The following CR1 variants were observed in gnomAD, a reference collection of about 807,000 sequenced individuals.
CR1 encodes complement receptor type 1.
In CR1, 116 loss-of-function variants were observed where a neutral mutation model predicts 187.3. That is an observed-to-expected ratio of 0.62 (90% CI 0.53 to 0.72). The LOEUF (loss-of-function observed/expected upper bound fraction) is 0.72. Among genes scored for constraint, CR1 ranks in the 30% least tolerant of loss-of-function variants. The pLI is 0.00. For missense variants in CR1, 1,731 were observed against 2,110.7 expected (o/e 0.82, Z 3.52); for synonymous variants, 576 against 747.1 (o/e 0.77, Z 3.73).
At chr1:207,518,116 TTTTA>T (rs1451244264) in intron 4 of CR1, among the ~76,000 whole-genome samples, 5 of 152,152 alleles carry the variant, frequency 3.3e-5, no homozygotes, top group Admixed American at 6.5e-5. Context: ...TCTAAAACTG[TTTTA>T]TTTATTTCCA....
chr1:207,581,805 T>C, intron 31 of CR1, 113 bp from the exon 32 acceptor site: 1 of 698,092 alleles, frequency 1.4e-6, no homozygotes, highest in South Asian at 1.7e-5. Flanking sequence ...TGCTTTAGCT[T>C]GAGCAGTAAA....
At chr1:207,620,144 G>A in intron 43 of CR1, 79 bp downstream of exon 43, 1 of 1,391,852 alleles carries the variant, frequency 7.2e-7, no homozygotes, top group Non-Finnish European at 9.8e-7. Flanking sequence ...GGCATCAAGT[G>A]TAGTGTGATG....
At chr1:207,588,848 G>C in intron 35 of CR1, 74 bp downstream of exon 35, 1 of 1,014,202 alleles carries the variant, frequency 9.9e-7, no homozygotes, top group Non-Finnish European at 1.5e-6. Flanking sequence ...GTCTCAGATA[G>C]ACAAACTAAA....
intron 41 of CR1, among the ~76,000 whole-genome samples, chr1:207,617,577 GTATATATATATATATATA>G (rs747792167): frequency 4.2e-5 from 2 of 47,186 alleles, no homozygotes; most frequent in South Asian, 9.9e-4. Flanking sequence ...ATGTGTGTGT[GTATATATATATATATATA>G]TATATATATA....
At chr1:207,516,396 A>G (rs1246474564) in intron 4 of CR1, among the ~76,000 whole-genome samples, 2 of 152,210 alleles carry the variant, frequency 1.3e-5, no homozygotes, top group Non-Finnish European at 2.9e-5. Context: ...TTTAATTACT[A>G]TAGCATTACA....
chr1:207,510,816 CTTTTT>C (rs1659589970), intron 3 of CR1, among the ~76,000 whole-genome samples: 2 of 131,728 alleles, frequency 1.5e-5, no homozygotes, highest in African/African-American at 6.1e-5. Context: ...TCTTTCTTTC[CTTTTT>C]ACTTTCTTTT....
At chr1:207,635,841 A>G (rs1409398158) in intron 46 of CR1, among the ~76,000 whole-genome samples, 1 of 152,182 alleles carries the variant, frequency 6.6e-6, no homozygotes, top group African/African-American at 2.4e-5. Flanking sequence ...ACTCTTAACA[A>G]GCATGCTGCC....
intron 3 of CR1, among the ~76,000 whole-genome samples, chr1:207,508,459 A>G (rs978592559): frequency 6.6e-6 from 1 of 152,264 alleles, no homozygotes; most frequent in Non-Finnish European, 1.5e-5. Flanking sequence ...AAACTGTGCT[A>G]AAACACAAAG....
intron 35 of CR1, among the ~76,000 whole-genome samples, chr1:207,598,618 C>A (rs866409150): frequency 6.6e-6 from 1 of 152,100 alleles, no homozygotes. Flanking sequence ...CAGGGTTTCA[C>A]CATGTTGGCC....
At chr1:207,522,889 C>T (rs1660040083) in intron 4 of CR1, among the ~76,000 whole-genome samples, 1 of 152,114 alleles carries the variant, frequency 6.6e-6, no homozygotes, top group Non-Finnish European at 1.5e-5. Context: ...TGTACTACTG[C>T]TATACTTTAA....
At chr1:207,615,299 G>A (rs1662060356) in intron 40 of CR1, among the ~76,000 whole-genome samples, 1 of 152,166 alleles carries the variant, frequency 6.6e-6, no homozygotes, top group South Asian at 2.1e-4. Context: ...TTGTTGGGAA[G>A]CAGACTATGA....
intron 45 of CR1, among the ~76,000 whole-genome samples, chr1:207,626,598 G>A (rs1255867222): frequency 6.6e-6 from 1 of 152,194 alleles, no homozygotes; most frequent in Admixed American, 6.5e-5. Context: ...AAAAAAGACT[G>A]ACAGATATAG....
intron 27 of CR1, among the ~76,000 whole-genome samples, chr1:207,574,177 A>G (rs528483639): frequency 4.6e-5 from 7 of 152,286 alleles, no homozygotes; most frequent in African/African-American, 9.6e-5. Context: ...GTCAGGATTC[A>G]AAATACATGT....
intron 46 of CR1, among the ~76,000 whole-genome samples, chr1:207,634,304 G>C (rs1028189009): frequency 5.9e-5 from 9 of 152,100 alleles, no homozygotes; most frequent in African/African-American, 1.9e-4. Context: ...CTTTTCGGTA[G>C]GTATAAAGTC....
At chr1:207,578,264 A>G in intron 29 of CR1, 61 bp downstream of exon 29, 1 of 1,611,574 alleles carries the variant, frequency 6.2e-7, no homozygotes. Flanking sequence ...TTGGATCAGG[A>G]GATGAGTATT....
chr1:207,523,303 C>T (rs939601065), intron 4 of CR1, among the ~76,000 whole-genome samples: 12 of 151,846 alleles, frequency 7.9e-5, no homozygotes, highest in South Asian at 2.1e-4. Context: ...AGAAAGCAAA[C>T]GGAAAAGAGT....
chr1:207,512,890 A>G (rs140851361), intron 4 of CR1, among the ~76,000 whole-genome samples: 9 of 152,254 alleles, frequency 5.9e-5, no homozygotes, highest in East Asian at 5.8e-4. Flanking sequence ...TCTGTATCCA[A>G]ATCCTGGTAA....
intron 35 of CR1, among the ~76,000 whole-genome samples, chr1:207,601,335 G>GA (rs1157729507): frequency 6.6e-6 from 1 of 152,060 alleles, no homozygotes; most frequent in Non-Finnish European, 1.5e-5. Flanking sequence ...CATGTCAGAA[G>GA]AAAAATACAA....
intron 46 of CR1, 56 bp from the exon 47 acceptor site, chr1:207,639,341 G>A (rs1662910402): frequency 6.5e-7 from 1 of 1,533,712 alleles, no homozygotes; most frequent in Non-Finnish European, 8.9e-7. Flanking sequence ...GTAAATTCTG[G>A]GTAGTTCAGT....
Sources: allele counts gnomAD v4.1 joint callset (sites outside exome capture counted in the v4.1 genomes callset), GRCh38; gene constraint gnomAD v4.1.1; transcripts MANE v1.5; gene names NCBI Gene and HGNC (gene_info 2026-07-23, HGNC 2026-07-21).